The following PHACTR2 variants were observed in gnomAD, a reference collection of about 807,000 sequenced individuals.
The protein encoded by PHACTR2 is phosphatase and actin regulator 2, also known as chromosome 6 open reading frame 56.
Under a neutral mutation model 76.0 loss-of-function variants are expected in PHACTR2, and 30 were observed. The ratio of observed to expected loss-of-function variants is 0.39; its 90% confidence interval spans 0.30 to 0.54. The LOEUF (loss-of-function observed/expected upper bound fraction) is 0.54, where lower values mean the gene tolerates loss of function less well. Ranked by LOEUF, PHACTR2 falls within the 20% of genes least tolerant of loss-of-function variation. The pLI, the probability that PHACTR2 is intolerant of heterozygous loss-of-function variation, is 0.61. For missense variants in PHACTR2, 696 were observed against 781.1 expected (o/e 0.89, Z 1.30); for synonymous variants, 292 against 292.5 (o/e 1.00, Z 0.02).
Position 143,793,842 on chromosome 6 carries a change from A to G in PHACTR2, c.1845+4932A>G, listed in dbSNP as rs920643421. 1.3e-5 allele frequency among the ~76,000 whole-genome samples: 2 copies of G among 152,082 alleles called. No individual in the cohort carries two copies. The highest frequency in any genetic ancestry group is 2.4e-5 in the African/African-American group (1 of 41,416). On this transcript the variant is annotated intron_variant, in intron 11 of 12. Coordinates refer to ENST00000440869, the MANE Select transcript of PHACTR2 (RefSeq NM_001100164.2). This position sits in a 1 kb window ranked among gnomAD's most constrained non-coding sequence, Gnocchi z 4.4. Reference sequence around the variant, plus strand: ...TGAGGTGGGAGAATTGCTTGAGCCCAGGAGCAGGAGGCTGCAGTGAGCCAT... The same window carrying G: ...TGAGGTGGGAGAATTGCTTGAGCCCGGGAGCAGGAGGCTGCAGTGAGCCAT...
chr6:143,728,310 T>C (rs917476401), intron 2 of PHACTR2, among the ~76,000 whole-genome samples: 2 of 149,302 alleles, frequency 1.3e-5, no homozygotes, highest in Non-Finnish European at 3.0e-5. Context: ...CTACAGGGCT[T>C]AGGTGATCCT....
At chr6:143,779,161 G>A (rs1582872556) in intron 9 of PHACTR2, among the ~76,000 whole-genome samples, 1 of 152,148 alleles carries the variant, frequency 6.6e-6, no homozygotes, top group East Asian at 1.9e-4. Context: ...CTTTCCCTGA[G>A]CAGTCACAGG....
chr6:143,765,672 G>A lies in PHACTR2; in HGVS notation c.1106G>A (p.Ser369Asn), dbSNP rs762341820. 1.6e-5 allele frequency: 26 copies of A among 1,614,054 alleles called. No individual in the cohort carries two copies. Among genetic ancestry groups the A allele is most frequent in the Non-Finnish European group, 2.1e-5 (25 of 1,180,034 alleles). The stretch of plus-strand genomic sequence containing the variant: ...TCAGACACTCCAGTTGTCCTCGTCA[G>A]CGTTGGAGCTGACCTGCCCGTCTCT... ...TASDTPVVLV[S>N]VGADLPVSAL... Residue 369 changes from serine to asparagine, a missense_variant, in exon 6 of 13, where the codon AGC becomes AAC. By Grantham distance (46) the Ser-to-Asn change is conservative. Transcript: ENST00000440869. This position sits in a 1 kb window ranked among gnomAD's most constrained non-coding sequence, Gnocchi z 4.1.
At chr6:143,564,945 T>C (rs1433648464) in intron 1 of PHACTR2, among the ~76,000 whole-genome samples, 4 of 152,112 alleles carry the variant, frequency 2.6e-5, no homozygotes, top group Non-Finnish European at 5.9e-5. Context: ...GGAAAAGGTG[T>C]AAAACATTGG....
chr6:143,713,004 A>G (rs1206082366), intron 2 of PHACTR2, among the ~76,000 whole-genome samples: 4 of 152,192 alleles, frequency 2.6e-5, no homozygotes, highest in South Asian at 4.1e-4. Context: ...AGTAAGTTCA[A>G]CGTTCCCCAT....
chr6:143,575,244 G>A (rs1181731167), intron 1 of PHACTR2, among the ~76,000 whole-genome samples: 1 of 152,118 alleles, frequency 6.6e-6, no homozygotes, highest in East Asian at 1.9e-4. Context: ...GTGGTTCATA[G>A]TTCGATGAGA....
In PHACTR2 at chr6:143,592,409, G is replaced by A. The variant is rs1189988020; in HGVS notation, c.217+55202G>A. ...CAGGAAAAGGTAAGCCTAAGAAGAG[G>A]TAGGGAACCCCAATTAACTGAGATT... On this transcript the variant is annotated intron_variant, in intron 1 of 11. Coordinates refer to the PHACTR2 transcript ENST00000367584. The surrounding 1 kb of genome is among the most constrained non-coding windows in gnomAD (Gnocchi z 4.0). Among the ~76,000 whole-genome samples, 3 of 152,106 alleles carry A rather than the reference G, an allele frequency of 2.0e-5. No individual in the cohort carries two copies. Among genetic ancestry groups the A allele is most frequent in the African/African-American group, 7.2e-5 (3 of 41,412 alleles).
intron 2 of PHACTR2, among the ~76,000 whole-genome samples, chr6:143,741,930 C>T (rs1778953651): frequency 6.6e-6 from 1 of 151,950 alleles, no homozygotes; most frequent in Admixed American, 6.6e-5. Context: ...GGTGAAACCC[C>T]ATCTCTACCA....
rs1775934904 is a variant in PHACTR2 at position 143,800,765 on chromosome 6, T to TA, written c.1846-6291dup. ...GATGTTAGCTGGTTATTTTGCCCGT[T>TA]AGTTGATGCAGTTTCTTCCTAGCAT... On this transcript the variant is annotated intron_variant, in intron 11 of 12. Transcript: ENST00000440869. This position sits in a 1 kb window ranked among gnomAD's most constrained non-coding sequence, Gnocchi z 4.8. 6.6e-6 allele frequency among the ~76,000 whole-genome samples: 1 copy of TA among 152,236 alleles called. No individual in the cohort carries two copies. Among genetic ancestry groups the TA allele is most frequent in the Non-Finnish European group, 1.5e-5 (1 of 68,046 alleles).
Position 143,595,710 on chromosome 6 carries a change from C to G in PHACTR2, c.217+58503C>G, listed in dbSNP as rs1012368863. On this transcript the variant is annotated intron_variant, in intron 1 of 11. Coordinates refer to the PHACTR2 transcript ENST00000367584. The surrounding 1 kb of genome is among the most constrained non-coding windows in gnomAD (Gnocchi z 4.2). Reference sequence around the variant, plus strand: ...ACCCAGCCCTCTTTCGTGAAGAGGACTAGAGGTGGTTTTGTTGTTGTTTTT... The same window carrying G: ...ACCCAGCCCTCTTTCGTGAAGAGGAGTAGAGGTGGTTTTGTTGTTGTTTTT... 6.6e-6 allele frequency among the ~76,000 whole-genome samples: 1 copy of G among 152,072 alleles called. No homozygotes were observed. Among genetic ancestry groups the G allele is most frequent in the African/African-American group, 2.4e-5 (1 of 41,386 alleles).
At position 143,818,435 on chromosome 6, in the gene PHACTR2, G is replaced by A. The variant is rs1005090834; in HGVS notation, c.1923-5239G>A. On this transcript the variant is annotated intron_variant, in intron 12 of 12. Coordinates refer to ENST00000440869, the MANE Select transcript of PHACTR2 (RefSeq NM_001100164.2). This position sits in a 1 kb window ranked among gnomAD's most constrained non-coding sequence, Gnocchi z 4.9. ...ATAGGAGTACTTTCATCGTAAGATT[G>A]TTTTGGGGATTAAATGAGGAAATAG... Among the ~76,000 whole-genome samples, 3 of 152,194 alleles carry A rather than the reference G, an allele frequency of 2.0e-5. No homozygotes were observed. Among genetic ancestry groups the A allele is most frequent in the African/African-American group, 4.8e-5 (2 of 41,430 alleles).
rs970283668 is a variant in PHACTR2, at chr6:143,775,305, G to A, written c.1589+1090G>A. 6.6e-6 allele frequency among the ~76,000 whole-genome samples: 1 copy of A among 152,160 alleles called. No homozygotes were observed. Among genetic ancestry groups the A allele is most frequent in the African/African-American group, 2.4e-5 (1 of 41,434 alleles). On this transcript the variant is annotated intron_variant, in intron 8 of 12. Transcript: ENST00000440869. The surrounding 1 kb of genome is among the most constrained non-coding windows in gnomAD (Gnocchi z 4.4). ...TTCTGTAAACCCTCTTGCGACTCTG[G>A]AAGAAATTTGGGAATGTTTACCAGT... is the stretch of plus-strand genomic sequence containing the variant.
chr6:143,572,403 C>T (rs1055505633), intron 1 of PHACTR2, among the ~76,000 whole-genome samples: 1 of 152,154 alleles, frequency 6.6e-6, no homozygotes, highest in South Asian at 2.1e-4. Flanking sequence ...GAGTCTAATG[C>T]CTCCATCAAA....
chr6:143,592,704 G>A lies in PHACTR2; in HGVS notation c.217+55497G>A, dbSNP rs1775705006. ...TACTTAGACTTGGGTTCCATCCCCAGTTCATTCCATATTCATTGTCTACAT... is the reference window on the plus strand; with the variant it reads ...TACTTAGACTTGGGTTCCATCCCCAATTCATTCCATATTCATTGTCTACAT... On this transcript the variant is annotated intron_variant, in intron 1 of 11. Coordinates refer to the PHACTR2 transcript ENST00000367584. The surrounding 1 kb of genome is among the most constrained non-coding windows in gnomAD (Gnocchi z 4.0). Among the ~76,000 whole-genome samples, 1 of 152,070 alleles carries A rather than the reference G, an allele frequency of 6.6e-6. No homozygotes were observed. The highest frequency in any genetic ancestry group is 1.5e-5 in the Non-Finnish European group (1 of 68,024).
rs918873405 is a variant in PHACTR2 at position 143,822,648 on chromosome 6, G to C, written c.1923-1026G>C. On this transcript the variant is annotated intron_variant, in intron 12 of 12. Coordinates refer to ENST00000440869, the MANE Select transcript of PHACTR2 (RefSeq NM_001100164.2). The surrounding 1 kb of genome is among the most constrained non-coding windows in gnomAD (Gnocchi z 5.5). ...AACCAATTAGGAGACTGGCTGACCAGAGCAGATGAGCATTCGACTGTAGAA... is the reference window on the plus strand; with the variant it reads ...AACCAATTAGGAGACTGGCTGACCACAGCAGATGAGCATTCGACTGTAGAA... 6.6e-6 allele frequency among the ~76,000 whole-genome samples: 1 copy of C among 152,244 alleles called. No homozygotes were observed. Among genetic ancestry groups the C allele is most frequent in the Non-Finnish European group, 1.5e-5 (1 of 68,044 alleles).
rs553568245 is a variant in PHACTR2, at chr6:143,602,887, G to A, written c.217+65680G>A. Among the ~76,000 whole-genome samples the A allele has an allele frequency of 3.0e-4, 45 of 152,276 alleles. No homozygotes were observed. The highest frequency in any genetic ancestry group is 1.1e-3 in the African/African-American group (44 of 41,564). Reference sequence around the variant, plus strand: ...GGGCTGGGCACAGTGGCTCATGCCTGTAACCCCAGCACTTTGGGAGGCCGA... The same window carrying A: ...GGGCTGGGCACAGTGGCTCATGCCTATAACCCCAGCACTTTGGGAGGCCGA... On this transcript the variant is annotated intron_variant, in intron 1 of 11. Coordinates refer to the PHACTR2 transcript ENST00000367584. The surrounding 1 kb of genome is among the most constrained non-coding windows in gnomAD (Gnocchi z 6.1).
At position 143,780,706 on chromosome 6, in the gene PHACTR2, T is replaced by G. The variant is rs545482815; in HGVS notation, c.1646-2513T>G. Reference sequence around the variant, plus strand: ...TTAACCACATGTATTATTTGTTTATTTATCGGAAATGCTTCTTGCGGGTCG... The same window carrying G: ...TTAACCACATGTATTATTTGTTTATGTATCGGAAATGCTTCTTGCGGGTCG... On this transcript the variant is annotated intron_variant, in intron 9 of 12. Transcript: ENST00000440869. This position sits in a 1 kb window ranked among gnomAD's most constrained non-coding sequence, Gnocchi z 4.4. Among the ~76,000 whole-genome samples, 1 of 152,192 alleles carries G rather than the reference T, an allele frequency of 6.6e-6. No individual in the cohort carries two copies. The highest frequency in any genetic ancestry group is 1.5e-5 in the Non-Finnish European group (1 of 68,042).
rs1776526906 is a variant in PHACTR2 at position 143,826,195 on chromosome 6, A to G, written c.*2506A>G. On this transcript the variant is annotated 3_prime_UTR_variant, in exon 13 of 13. Transcript: ENST00000440869. ...TGAGCTAAGCTGTATTTTGCAGAATATGGTTCTATTTTAGTAGAGCAGAGA... is the reference window on the plus strand; with the variant it reads ...TGAGCTAAGCTGTATTTTGCAGAATGTGGTTCTATTTTAGTAGAGCAGAGA... 6.6e-6 allele frequency: 1 copy of G among 152,186 alleles called. No homozygotes were observed. The highest frequency in any genetic ancestry group is 1.5e-5 in the Non-Finnish European group (1 of 68,042). 9.4% of individuals were successfully genotyped at this position (152,186 alleles called of 1,614,324 possible).
intron 6 of PHACTR2, among the ~76,000 whole-genome samples, chr6:143,771,194 GTATA>G (rs769993035): frequency 0.05 from 2,020 of 40,452 alleles, 108 homozygotes; most frequent in Admixed American, 0.072. Context: ...ATATATGTGT[GTATA>G]TATATATATA....
Sources: allele counts gnomAD v4.1 joint callset (sites outside exome capture counted in the v4.1 genomes callset), GRCh38; gene constraint gnomAD v4.1.1; non-coding constraint Gnocchi (gnomAD v3.1); transcripts MANE v1.5; gene names NCBI Gene and HGNC (gene_info 2026-07-23, HGNC 2026-07-21).